Variants in POU6F2 observed in about 807,000 individuals in gnomAD.
POU6F2 encodes the protein POU class 6 homeobox 2, also known as POU domain, class 6, transcription factor 2.
A neutral mutation model predicts 71.3 loss-of-function variants in POU6F2; 31 were observed. That is an observed-to-expected ratio of 0.43 (90% CI 0.33 to 0.59). The LOEUF (loss-of-function observed/expected upper bound fraction) is 0.59, where lower values mean the gene tolerates loss of function less well. POU6F2 is among the 20% of genes least tolerant of loss of function. POU6F2 has a pLI of 0.04. For synonymous variants in POU6F2, 347 were observed against 355.7 expected (o/e 0.98, Z 0.27); for missense variants, 783 against 856.8 (o/e 0.91, Z 1.07).
At chr7:39,036,349 C>T (rs1297804761) in intron 1 of POU6F2, among the ~76,000 whole-genome samples, 1 of 152,124 alleles carries the variant, frequency 6.6e-6, no homozygotes, top group Admixed American at 6.6e-5. Flanking sequence ...TTAGAATATG[C>T]TTCCATTGGG....
chr7:39,238,185 C>A (rs754885140), intron 4 of POU6F2, among the ~76,000 whole-genome samples: 2 of 152,134 alleles, frequency 1.3e-5, no homozygotes, highest in African/African-American at 4.8e-5. Flanking sequence ...GTTTATTAAG[C>A]CTCTCTAAAC....
intron 1 of POU6F2, among the ~76,000 whole-genome samples, chr7:39,071,288 C>T (rs1017643911): frequency 6.6e-6 from 1 of 151,786 alleles, no homozygotes; most frequent in African/African-American, 2.4e-5. Flanking sequence ...TGTGCTCCTA[C>T]GAGAATCTAA....
chr7:39,283,346 T>C (rs6976186), intron 4 of POU6F2, among the ~76,000 whole-genome samples: 115,576 of 152,076 alleles, frequency 0.76, 44,027 homozygotes, highest in Middle Eastern at 0.85. Context: ...CATTCGTAAG[T>C]AACCATCATT....
At chr7:39,327,213 A>G (rs1785522802) in intron 4 of POU6F2, among the ~76,000 whole-genome samples, 1 of 150,766 alleles carries the variant, frequency 6.6e-6, no homozygotes, top group African/African-American at 2.4e-5. Flanking sequence ...CAGGAGGTGG[A>G]GCTTGCAGGG....
chr7:39,207,127 T>C (rs1794028633), intron 3 of POU6F2, among the ~76,000 whole-genome samples: 1 of 152,038 alleles, frequency 6.6e-6, no homozygotes, highest in South Asian at 2.1e-4. Flanking sequence ...AATGGAAGAG[T>C]AGCATATAAA....
chr7:39,079,974 T>C (rs754547258), intron 1 of POU6F2, among the ~76,000 whole-genome samples: 2 of 152,196 alleles, frequency 1.3e-5, no homozygotes, highest in East Asian at 3.8e-4. Flanking sequence ...AAATTTAAAA[T>C]AAAATAATCC....
At chr7:39,293,578 G>A (rs75082513) in intron 4 of POU6F2, among the ~76,000 whole-genome samples, 7,660 of 152,188 alleles carry the variant, frequency 0.05, 283 homozygotes, top group Non-Finnish European at 0.076. Context: ...CGTGATAGCC[G>A]AGGGAAGCAG....
intron 2 of POU6F2, among the ~76,000 whole-genome samples, chr7:39,157,174 C>T (rs1051603816): frequency 6.6e-6 from 1 of 152,028 alleles, no homozygotes; most frequent in East Asian, 1.9e-4. Flanking sequence ...GCAGTTAAGG[C>T]CTGGTGCATA....
At chr7:39,028,374 T>G (rs1789864630) in intron 1 of POU6F2, among the ~76,000 whole-genome samples, 1 of 152,166 alleles carries the variant, frequency 6.6e-6, no homozygotes, top group Admixed American at 6.5e-5. Flanking sequence ...ACTATCTTGC[T>G]TATGAAATCT....
chr7:39,430,290 A>G (rs1788069914), intron 6 of POU6F2, among the ~76,000 whole-genome samples: 1 of 152,152 alleles, frequency 6.6e-6, no homozygotes, highest in Admixed American at 6.5e-5. Flanking sequence ...AGTGCCACCA[A>G]AGGCTTCCTG....
rs560351927 is a variant in POU6F2 at position 39,142,282 on chromosome 7, G to A, written c.277+56251G>A. On this transcript the variant is annotated intron_variant, in intron 2 of 9. Coordinates refer to ENST00000518318, the MANE Select transcript of POU6F2 (RefSeq NM_001370959.1). ...ACTGTGCCTTTGCAGGAATCTCTTGGTTATTGGTCTGCTCATTGTTCTCAG... is the reference window on the plus strand; with the variant it reads ...ACTGTGCCTTTGCAGGAATCTCTTGATTATTGGTCTGCTCATTGTTCTCAG... Among the ~76,000 whole-genome samples, 41 of 152,278 alleles carry A rather than the reference G, an allele frequency of 2.7e-4. No individual in the cohort carries two copies. In the South Asian group the frequency reaches 7.3e-3, roughly 27 times the overall value.
chr7:39,229,848 G>A (rs922859757), intron 4 of POU6F2, among the ~76,000 whole-genome samples: 1 of 152,118 alleles, frequency 6.6e-6, no homozygotes, highest in Non-Finnish European at 1.5e-5. Context: ...ACTAACTGAC[G>A]TTTTGAGGAT....
At chr7:39,320,483 T>G (rs1179142506) in intron 4 of POU6F2, among the ~76,000 whole-genome samples, 1 of 152,156 alleles carries the variant, frequency 6.6e-6, no homozygotes, top group African/African-American at 2.4e-5. Flanking sequence ...TTTTATCAGA[T>G]TCTCAAAGGG....
intron 2 of POU6F2, among the ~76,000 whole-genome samples, chr7:39,143,648 C>A (rs1048602441): frequency 1.2e-4 from 19 of 152,112 alleles, no homozygotes; most frequent in African/African-American, 4.6e-4. Context: ...GTGAAGACTC[C>A]CAGAGCTGAG....
chr7:39,093,658 A>G (rs970035072), intron 2 of POU6F2, among the ~76,000 whole-genome samples: 3 of 152,112 alleles, frequency 2.0e-5, no homozygotes, highest in Non-Finnish European at 2.9e-5. Flanking sequence ...CCTATTAATG[A>G]GAAAAAAAGC....
At chr7:39,115,210 T>C (rs1243381852) in intron 2 of POU6F2, among the ~76,000 whole-genome samples, 1 of 152,190 alleles carries the variant, frequency 6.6e-6, no homozygotes, top group Non-Finnish European at 1.5e-5. Flanking sequence ...TCTGTCCTCA[T>C]CTCTCTTCCA....
chr7:39,406,634 C>A lies in POU6F2; in HGVS notation c.1007C>A (p.Ala336Glu), dbSNP rs752611585. 6.2e-7 allele frequency: 1 copy of A among 1,613,286 alleles called. No homozygotes were observed. The highest frequency in any genetic ancestry group is 8.5e-7 in the Non-Finnish European group (1 of 1,179,796). Reference sequence around the variant, plus strand: ...AATCCACTAGCAAGTCAGGCTGCAGCGGCTGCAGCAGCCATGAGCTCCATA... The same window carrying A: ...AATCCACTAGCAAGTCAGGCTGCAGAGGCTGCAGCAGCCATGAGCTCCATA... ...VNNPLASQAAAAAAAMSSIAS... is the reference protein window; with the variant it reads ...VNNPLASQAAEAAAAMSSIAS... The change falls in exon 6 of 10, where the codon GCG becomes GAG. Residue 336 changes from alanine (A) to glutamate (E), a missense_variant. Coordinates refer to ENST00000518318, the MANE Select transcript of POU6F2 (RefSeq NM_001370959.1).
intron 7 of POU6F2, among the ~76,000 whole-genome samples, chr7:39,441,499 A>G (rs535535283): frequency 1.3e-5 from 2 of 152,186 alleles, no homozygotes; most frequent in Admixed American, 6.5e-5. Context: ...GAAGACTAAG[A>G]GTCCCTCTTG....
intron 4 of POU6F2, among the ~76,000 whole-genome samples, chr7:39,261,087 A>C (rs1159773625): frequency 1.3e-5 from 2 of 151,622 alleles, no homozygotes; most frequent in Non-Finnish European, 2.9e-5. Flanking sequence ...ACACACACAC[A>C]CACACCCCAC....
Sources: allele counts gnomAD v4.1 joint callset (sites outside exome capture counted in the v4.1 genomes callset), GRCh38; gene constraint gnomAD v4.1.1; transcripts MANE v1.5; gene names NCBI Gene and HGNC (gene_info 2026-07-23, HGNC 2026-07-21).